Variants in GPC5 observed in about 807,000 individuals in gnomAD.
GPC5 encodes the protein glypican-5.
A neutral mutation model predicts 53.9 loss-of-function variants in GPC5; 47 were observed. That is an observed-to-expected ratio of 0.87 (90% CI 0.69 to 1.11). The LOEUF (loss-of-function observed/expected upper bound fraction) is 1.11, where lower values mean the gene tolerates loss of function less well. Among genes scored for constraint, GPC5 ranks in the 50% most tolerant of loss-of-function variants. The pLI, the probability that GPC5 is intolerant of heterozygous loss-of-function variation, is 0.00. For missense variants in GPC5, 748 were observed against 713.1 expected, an observed-to-expected ratio of 1.05 and a Z score of -0.56; for synonymous variants, 286 against 263.3, an observed-to-expected ratio of 1.09 and a Z score of -0.84.
intron 7 of GPC5, among the ~76,000 whole-genome samples, chr13:92,579,832 G>GTT (rs1298822869): frequency 6.6e-6 from 1 of 151,368 alleles, no homozygotes; most frequent in African/African-American, 2.4e-5. Flanking sequence ...ATCCTATAAG[G>GTT]TTTCTCTCTC....
intron 1 of GPC5, 68 bp downstream of exon 1, chr13:91,399,277 C>G (rs1463068115): frequency 1.0e-5 from 16 of 1,532,736 alleles, no homozygotes; most frequent in Non-Finnish European, 2.6e-6. Flanking sequence ...CCCAGGCTCC[C>G]TTGGTGGCAC....
chr13:92,484,643 A>T (rs1879485933), intron 7 of GPC5: 1 of 152,200 alleles, frequency 6.6e-6, no homozygotes, highest in African/African-American at 2.4e-5. Flanking sequence ...TATAATAAAA[A>T]TGATAAAAGG....
intron 5 of GPC5, among the ~76,000 whole-genome samples, chr13:91,825,407 C>T (rs949934256): frequency 3.9e-5 from 6 of 152,058 alleles, no homozygotes; most frequent in Non-Finnish European, 8.8e-5. Flanking sequence ...TAGCATTGCC[C>T]TATTCTTGGC....
chr13:92,568,566 C>T (rs1316550584), intron 7 of GPC5, among the ~76,000 whole-genome samples: 1 of 152,018 alleles, frequency 6.6e-6, no homozygotes, highest in Non-Finnish European at 1.5e-5. Context: ...AATGTCTTAA[C>T]GCAACAATTT....
At chr13:91,980,947 TC>T (rs2040351872) in intron 6 of GPC5, among the ~76,000 whole-genome samples, 1 of 152,234 alleles carries the variant, frequency 6.6e-6, no homozygotes, top group African/African-American at 2.4e-5. Context: ...CTTTTTCACT[TC>T]TGTTTAGTAT....
chr13:91,964,451 A>G (rs1349143331), intron 6 of GPC5, among the ~76,000 whole-genome samples: 1 of 152,156 alleles, frequency 6.6e-6, no homozygotes, highest in Non-Finnish European at 1.5e-5. Context: ...CTGTTTTGAC[A>G]GAGTGCTGAT....
chr13:92,353,153 G>C (rs1350913804), intron 7 of GPC5, among the ~76,000 whole-genome samples: 1 of 150,976 alleles, frequency 6.6e-6, no homozygotes, highest in East Asian at 2.0e-4. Flanking sequence ...CCAGCTACTG[G>C]GGAGGCTGAG....
At chr13:92,807,949 A>T (rs895715283) in intron 7 of GPC5, among the ~76,000 whole-genome samples, 1 of 152,106 alleles carries the variant, frequency 6.6e-6, no homozygotes, top group Non-Finnish European at 1.5e-5. Context: ...GGTCCATGTA[A>T]ATGTATGTCA....
chr13:92,778,795 AT>A (rs1189510619), intron 7 of GPC5, among the ~76,000 whole-genome samples: 1 of 151,996 alleles, frequency 6.6e-6, no homozygotes, highest in Non-Finnish European at 1.5e-5. Context: ...ATCTGTCTGC[AT>A]TCATGCAAAA....
At chr13:92,547,919 T>G (rs979523898) in intron 7 of GPC5, among the ~76,000 whole-genome samples, 4 of 138,074 alleles carry the variant, frequency 2.9e-5, no homozygotes, top group African/African-American at 1.1e-4. Context: ...AAGCTCCGCC[T>G]CCCGGGTTCA....
chr13:91,484,819 TC>T (rs1883499597), intron 2 of GPC5, among the ~76,000 whole-genome samples: 2 of 152,184 alleles, frequency 1.3e-5, no homozygotes, highest in Non-Finnish European at 2.9e-5. Context: ...TGAGAACCCA[TC>T]AGTTAAATAA....
chr13:92,735,016 T>C (rs9561131), intron 7 of GPC5, among the ~76,000 whole-genome samples: 4,958 of 151,986 alleles, frequency 0.033, 350 homozygotes, highest in East Asian at 0.28. Flanking sequence ...TAGCAGAATT[T>C]TATCTAAGTT....
intron 7 of GPC5, among the ~76,000 whole-genome samples, chr13:92,163,460 C>CAAAA (rs35480023): frequency 0.015 from 1,348 of 90,320 alleles, 14 homozygotes; most frequent in Non-Finnish European, 0.024. Flanking sequence ...GATTCCATCT[C>CAAAA]AAAAAAAAAA....
chr13:92,555,719 C>A (rs1321327043), intron 7 of GPC5, among the ~76,000 whole-genome samples: 1 of 148,986 alleles, frequency 6.7e-6, no homozygotes, highest in Admixed American at 6.8e-5. Flanking sequence ...AAAACATAAA[C>A]AATATATGAA....
chr13:92,605,576 G>GTTTTTTTTTTT (rs55887927), intron 7 of GPC5, among the ~76,000 whole-genome samples: 4 of 139,684 alleles, frequency 2.9e-5, no homozygotes, highest in African/African-American at 1.1e-4. Context: ...GTATTCACTA[G>GTTTTTTTTTTT]TTTTTTTTTT....
At chr13:92,170,747 A>T (rs1379616956) in intron 7 of GPC5, among the ~76,000 whole-genome samples, 4 of 151,844 alleles carry the variant, frequency 2.6e-5, no homozygotes, top group Non-Finnish European at 5.9e-5. Context: ...TCTATTATAG[A>T]CTATTTAACT....
chr13:91,548,757 G>T (rs2138805787), intron 2 of GPC5, among the ~76,000 whole-genome samples: 1 of 152,282 alleles, frequency 6.6e-6, no homozygotes, highest in Middle Eastern at 3.4e-3. Flanking sequence ...CAGACAAATG[G>T]ATCAATGGAA....
intron 6 of GPC5, among the ~76,000 whole-genome samples, chr13:92,115,368 TG>T (rs2041592154): frequency 6.6e-6 from 1 of 152,088 alleles, no homozygotes; most frequent in Non-Finnish European, 1.5e-5. Context: ...TATCTGGGCA[TG>T]GGGGTGCATG....
At chr13:92,502,675 C>T (rs1189809508) in intron 7 of GPC5, among the ~76,000 whole-genome samples, 1 of 152,020 alleles carries the variant, frequency 6.6e-6, no homozygotes, top group Non-Finnish European at 1.5e-5. Flanking sequence ...ATGAACCTAA[C>T]AGCAGAATTT....
Sources: allele counts gnomAD v4.1 joint callset (sites outside exome capture counted in the v4.1 genomes callset), GRCh38; gene constraint gnomAD v4.1.1; transcripts MANE v1.5; gene names NCBI Gene and HGNC (gene_info 2026-07-23, HGNC 2026-07-21).